Variants in LRP1B observed in about 807,000 individuals in gnomAD.
The protein encoded by LRP1B is LDL receptor related protein 1B, also known as low-density lipoprotein receptor-related protein 1B.
Under a neutral mutation model 556.6 loss-of-function variants are expected in LRP1B, and 217 were observed. The ratio of observed to expected loss-of-function variants is 0.39; its 90% confidence interval spans 0.35 to 0.44. LRP1B has a LOEUF of 0.44. LRP1B is among the 20% of genes least tolerant of loss of function. The pLI is 1.00. For missense variants in LRP1B, 5,053 were observed against 5,620.8 expected (o/e 0.90, Z 3.23); for synonymous variants, 2,047 against 1,865.8 (o/e 1.10, Z -2.50).
chr2:141,228,453 GGAGA>G (rs1345357499), intron 6 of LRP1B, among the ~76,000 whole-genome samples: 2 of 150,448 alleles, frequency 1.3e-5, no homozygotes, highest in East Asian at 4.0e-4. Flanking sequence ...GGAGAGAGAA[GGAGA>G]GAGAGAATAT....
chr2:141,409,675 T>C (rs1690777419), intron 3 of LRP1B, among the ~76,000 whole-genome samples: 1 of 152,022 alleles, frequency 6.6e-6, no homozygotes, highest in African/African-American at 2.4e-5. Context: ...ACTTACATCC[T>C]ACAAGTCAAA....
At chr2:140,626,872 TCTTGACATGGATTCTAC>T (rs1309492100) in intron 41 of LRP1B, among the ~76,000 whole-genome samples, 2 of 152,108 alleles carry the variant, frequency 1.3e-5, no homozygotes, top group African/African-American at 4.8e-5. Flanking sequence ...TGAATATCAG[TCTTGACATGGATTCTAC>T]CTTTAAACTG....
chr2:141,494,024 T>C (rs1402132670), intron 2 of LRP1B, among the ~76,000 whole-genome samples: 1 of 152,172 alleles, frequency 6.6e-6, no homozygotes, highest in Admixed American at 6.5e-5. Flanking sequence ...TCTATCACCA[T>C]GTGCTTATTT....
chr2:140,517,709 C>CTT (rs372100986), intron 49 of LRP1B, among the ~76,000 whole-genome samples: 93,491 of 125,318 alleles, frequency 0.75, 35,726 homozygotes, highest in Middle Eastern at 0.87. Context: ...TTTATCTTTC[C>CTT]TTTTTTTTTT....
chr2:140,336,390 T>TTC (rs1681100481), intron 77 of LRP1B, among the ~76,000 whole-genome samples: 1 of 149,028 alleles, frequency 6.7e-6, no homozygotes, highest in Non-Finnish European at 1.5e-5. Context: ...TTTAGTACTT[T>TTC]TTTTTTTTTT....
chr2:140,747,208 T>C lies in LRP1B; in HGVS notation c.5758+22005A>G, dbSNP rs75360763. The stretch of plus-strand genomic sequence containing the variant: ...GCAGCTCTCTCTGCCCTGAAGTCTC[T>C]GCTCTGCTTGAAGTCATCTGAGATG... On this transcript the variant is annotated intron_variant, in intron 35 of 90. Transcript: ENST00000389484. Among the ~76,000 whole-genome samples, 88 of 152,272 alleles carry C rather than the reference T, an allele frequency of 5.8e-4. No individual in the cohort carries two copies. The East Asian group carries it at 0.015, about 26-fold the overall frequency.
At chr2:140,454,675 GATAA>G (rs1687024713) in intron 62 of LRP1B, among the ~76,000 whole-genome samples, 2 of 152,088 alleles carry the variant, frequency 1.3e-5, no homozygotes, top group South Asian at 2.1e-4. Context: ...AATTTTATTA[GATAA>G]ATAATTCTTT....
intron 2 of LRP1B, among the ~76,000 whole-genome samples, chr2:141,516,802 A>T (rs914883482): frequency 1.2e-4 from 18 of 149,526 alleles, no homozygotes; most frequent in African/African-American, 4.2e-4. Flanking sequence ...GGCTCAAGTG[A>T]TTCTCTTGCC....
chr2:141,275,090 A>G (rs1413641015), intron 3 of LRP1B, among the ~76,000 whole-genome samples: 1 of 152,218 alleles, frequency 6.6e-6, no homozygotes, highest in African/African-American at 2.4e-5. Flanking sequence ...ACTTCCCAGG[A>G]GGCTGGTAAA....
chr2:140,762,841 C>T (rs576952676), intron 35 of LRP1B, among the ~76,000 whole-genome samples: 2 of 152,104 alleles, frequency 1.3e-5, no homozygotes, highest in African/African-American at 4.8e-5. Context: ...TAAATAAATG[C>T]TATCAAAAAG....
chr2:140,888,103 T>C (rs1693694158), intron 23 of LRP1B, among the ~76,000 whole-genome samples: 1 of 152,146 alleles, frequency 6.6e-6, no homozygotes, highest in African/African-American at 2.4e-5. Context: ...ACTGTACAAA[T>C]ACTACCTTTA....
At chr2:140,757,031 A>T (rs1244555080) in intron 35 of LRP1B, among the ~76,000 whole-genome samples, 1 of 152,214 alleles carries the variant, frequency 6.6e-6, no homozygotes, top group African/African-American at 2.4e-5. Context: ...TCATATACAC[A>T]TATAAATGGC....
At chr2:140,689,456 G>T (rs1286549941) in intron 41 of LRP1B, among the ~76,000 whole-genome samples, 1 of 152,080 alleles carries the variant, frequency 6.6e-6, no homozygotes, top group Non-Finnish European at 1.5e-5. Flanking sequence ...TGTGATTCTG[G>T]GGGCTGCCCA....
chr2:141,998,204 TA>T (rs1403563328), intron 1 of LRP1B, among the ~76,000 whole-genome samples: 11 of 152,124 alleles, frequency 7.2e-5, no homozygotes, highest in Non-Finnish European at 4.4e-5. Flanking sequence ...CTATCTGAAT[TA>T]TAAAATCTTA....
intron 2 of LRP1B, among the ~76,000 whole-genome samples, chr2:141,618,511 A>C (rs940064463): frequency 1.3e-5 from 2 of 152,224 alleles, no homozygotes; most frequent in African/African-American, 4.8e-5. Context: ...CAGAGTTATA[A>C]ATAAGCATTA....
At chr2:141,212,960 A>C (rs1391003128) in intron 6 of LRP1B, among the ~76,000 whole-genome samples, 3 of 152,134 alleles carry the variant, frequency 2.0e-5, no homozygotes, top group Admixed American at 6.5e-5. Context: ...ATACAGACCC[A>C]AAACACTTCT....
In LRP1B at chr2:140,493,393, A is replaced by G. The variant is rs77528135; in HGVS notation, c.9035-700T>C. 3.5e-3 allele frequency among the ~76,000 whole-genome samples: 538 copies of G among 152,236 alleles called. 8 individuals carry two copies. Among genetic ancestry groups the G allele is most frequent in the African/African-American group, 0.012 (503 of 41,542 alleles). ...CGTACAGGAGACCCTCTAAACCACTAGTGTTTGGTTTCTCTTCAGAATTGA... is the reference window on the plus strand; with the variant it reads ...CGTACAGGAGACCCTCTAAACCACTGGTGTTTGGTTTCTCTTCAGAATTGA... On this transcript the variant is annotated intron_variant, in intron 56 of 90. Coordinates refer to ENST00000389484, the MANE Select transcript of LRP1B (RefSeq NM_018557.3).
At chr2:140,506,721 G>A (rs893864272) in intron 53 of LRP1B, 75 bp downstream of exon 53, 1 of 1,506,294 alleles carries the variant, frequency 6.6e-7, no homozygotes, top group African/African-American at 1.4e-5. Flanking sequence ...TGTTGCTTTA[G>A]TTTTTTATTT....
chr2:140,564,316 T>C (rs953633498), intron 43 of LRP1B, among the ~76,000 whole-genome samples: 3 of 152,138 alleles, frequency 2.0e-5, no homozygotes, highest in Non-Finnish European at 4.4e-5. Flanking sequence ...AGATATTCAC[T>C]TTAGCAATAT....
Sources: allele counts gnomAD v4.1 joint callset (sites outside exome capture counted in the v4.1 genomes callset), GRCh38; gene constraint gnomAD v4.1.1; transcripts MANE v1.5; gene names NCBI Gene and HGNC (gene_info 2026-07-23, HGNC 2026-07-21).